Variants in ATXN3 observed in about 807,000 individuals in gnomAD.
The protein encoded by ATXN3 is ataxin 3.
In ATXN3, 28 loss-of-function variants were observed where a neutral mutation model predicts 58.2. The observed-to-expected ratio is 0.48, with a 90% CI of 0.36 to 0.66. ATXN3 has a LOEUF of 0.66. ATXN3 is among the 30% of genes least tolerant of loss of function. The pLI is 0.00. For synonymous variants in ATXN3, 113 were observed against 138.5 expected, an observed-to-expected ratio of 0.82 and a Z score of 1.29; for missense variants, 321 against 422.1, an observed-to-expected ratio of 0.76 and a Z score of 2.10.
chr14:92,054,247 G>T (rs1174844465), downstream of ATXN3, among the ~76,000 whole-genome samples: 1 of 152,116 alleles, frequency 6.6e-6, no homozygotes, highest in Non-Finnish European at 1.5e-5. Flanking sequence ...ACTCCATCTT[G>T]AATAGGAGCT....
intron 1 of ATXN3, among the ~76,000 whole-genome samples, chr14:92,102,760 T>C (rs2067136260): frequency 1.3e-5 from 2 of 152,206 alleles, no homozygotes; most frequent in South Asian, 4.1e-4. Context: ...AGGAGGAAAC[T>C]AGAGGACAGG....
chr14:92,065,652 T>C (rs568359565), intron 10 of ATXN3, among the ~76,000 whole-genome samples: 1 of 152,046 alleles, frequency 6.6e-6, no homozygotes, highest in Non-Finnish European at 1.5e-5. Context: ...GAAGCCGAGG[T>C]GGGCGGATCA....
At chr14:92,048,488 C>A (rs534780506) in intron 1 of ATXN3, among the ~76,000 whole-genome samples, 11 of 152,068 alleles carry the variant, frequency 7.2e-5, no homozygotes, top group Middle Eastern at 3.2e-3. Flanking sequence ...GGGTCTAGGG[C>A]GGTAAAGTGT....
At chr14:92,069,880 G>A (rs1338841726) in intron 10 of ATXN3, among the ~76,000 whole-genome samples, 1 of 152,074 alleles carries the variant, frequency 6.6e-6, no homozygotes, top group Non-Finnish European at 1.5e-5. Context: ...ACTTGGTATT[G>A]TCAGTTTTAT....
upstream of ATXN3, among the ~76,000 whole-genome samples, chr14:92,052,446 G>A (rs529204910): frequency 2.9e-3 from 433 of 151,726 alleles, 5 homozygotes; most frequent in Admixed American, 4.3e-3. Flanking sequence ...TGGATATAGC[G>A]CCATTGCACT....
intron 6 of ATXN3, among the ~76,000 whole-genome samples, chr14:92,087,058 C>T (rs570818418): frequency 1.7e-4 from 26 of 152,028 alleles, no homozygotes; most frequent in Non-Finnish European, 2.8e-4. Flanking sequence ...CAGAATGTAA[C>T]GGAAAGCCAC....
chr14:92,102,209 GAAAGAAAGA>G (rs941704769), intron 1 of ATXN3, among the ~76,000 whole-genome samples: 6 of 123,914 alleles, frequency 4.8e-5, no homozygotes, highest in Non-Finnish European at 1.0e-4. Flanking sequence ...AGAAAGAAAA[GAAAGAAAGA>G]AAAGAAAGAA....
intron 1 of ATXN3, among the ~76,000 whole-genome samples, chr14:92,099,354 T>C (rs1023883632): frequency 1.3e-5 from 2 of 152,194 alleles, no homozygotes; most frequent in South Asian, 2.1e-4. Flanking sequence ...GAAGACAACA[T>C]TGAGACAGCC....
In ATXN3 at chr14:92,084,851, AT is replaced by A. The variant is rs546420283; in HGVS notation, c.476-1594del. ...CACCTCGGCCTCCCAAAGTGCTGGG[AT>A]TACAGGTGTGAGCCACCGCGCCTAG... On this transcript the variant is annotated intron_variant, in intron 6 of 10. Coordinates refer to ENST00000644486, the MANE Select transcript of ATXN3 (RefSeq NM_004993.6). 8.2e-4 allele frequency among the ~76,000 whole-genome samples: 125 copies of A among 152,222 alleles called. 3 individuals are homozygous for A. The South Asian group carries it at 0.024, about 30-fold the overall frequency.
chr14:92,075,759 T>C (rs1435189263), intron 9 of ATXN3, among the ~76,000 whole-genome samples: 1 of 152,190 alleles, frequency 6.6e-6, no homozygotes, highest in Non-Finnish European at 1.5e-5. Context: ...TCAGGAATTT[T>C]AGTGAAAGGC....
chr14:92,054,296 A>C (rs1416737665), downstream of ATXN3, among the ~76,000 whole-genome samples: 1 of 152,186 alleles, frequency 6.6e-6, no homozygotes, highest in Non-Finnish European at 1.5e-5. Context: ...CTGCATTCCC[A>C]GATGGTTAAG....
chr14:92,088,313 G>A (rs1452344338), intron 6 of ATXN3, among the ~76,000 whole-genome samples: 1 of 152,002 alleles, frequency 6.6e-6, no homozygotes, highest in Non-Finnish European at 1.5e-5. Flanking sequence ...ATCGTGATCC[G>A]CCTGCCTCAG....
Position 92,064,392 on chromosome 14 carries a change from GTCT to G in ATXN3, c.1011_1013del (p.Glu337del). The G allele has an allele frequency of 6.2e-7, 1 of 1,612,814 alleles. No individual in the cohort carries two copies. Among genetic ancestry groups the G allele is most frequent in the Non-Finnish European group, 8.5e-7 (1 of 1,179,208 alleles). ...ACATGGTCACAGCTGCCTGAAGCAT[GTCT>G]TCTTCACTCATAGCATCACCTGTTG... On this transcript the variant is annotated inframe_deletion, in exon 11 of 11. Transcript: ENST00000644486.
downstream of ATXN3, among the ~76,000 whole-genome samples, chr14:92,054,384 C>A (rs2057458371): frequency 6.6e-6 from 1 of 152,164 alleles, no homozygotes; most frequent in Admixed American, 6.6e-5. Context: ...AAACAGGTTG[C>A]AGTAAAGGAG....
At chr14:92,057,438 G>T (rs372194482), downstream of ATXN3, among the ~76,000 whole-genome samples, 1 of 150,202 alleles carries the variant, frequency 6.7e-6, no homozygotes, top group Non-Finnish European at 1.5e-5. Flanking sequence ...GCGGGGGGAG[G>T]GGGCGCGGGG....
At chr14:92,045,458 T>A (rs752414331) in intron 2 of ATXN3, among the ~76,000 whole-genome samples, 33 of 152,260 alleles carry the variant, frequency 2.2e-4, no homozygotes, top group Non-Finnish European at 4.1e-4. Context: ...CCAGTGAAAG[T>A]GTCTTCCCAG....
At chr14:92,080,173 A>G (rs906681856) in intron 9 of ATXN3, among the ~76,000 whole-genome samples, 15 of 152,158 alleles carry the variant, frequency 9.9e-5, no homozygotes, top group Non-Finnish European at 5.9e-5. Context: ...AGGTTTTAGG[A>G]GTTGATCCAG....
At chr14:92,100,281 C>A (rs994188677) in intron 1 of ATXN3, among the ~76,000 whole-genome samples, 23 of 152,052 alleles carry the variant, frequency 1.5e-4, no homozygotes, top group Non-Finnish European at 3.1e-4. Flanking sequence ...ATAATGTAAA[C>A]AACAGCAATG....
intron 6 of ATXN3, among the ~76,000 whole-genome samples, chr14:92,087,954 A>G (rs7154396): frequency 0.27 from 41,128 of 151,928 alleles, 5,756 homozygotes; most frequent in East Asian, 0.42. Context: ...AAGTAGTTGA[A>G]GTAGAGAAAA....
Sources: allele counts gnomAD v4.1 joint callset (sites outside exome capture counted in the v4.1 genomes callset), GRCh38; gene constraint gnomAD v4.1.1; transcripts MANE v1.5; gene names NCBI Gene and HGNC (gene_info 2026-07-23, HGNC 2026-07-21).